ZNF254: variants seen among roughly 807,000 people sequenced by gnomAD.
ZNF254 encodes the protein zinc finger protein 254.
Under a neutral mutation model 12.4 loss-of-function variants are expected in ZNF254, and 10 were observed. The observed-to-expected ratio is 0.80, with a 90% CI of 0.50 to 1.36. ZNF254 has a LOEUF of 1.36. ZNF254 is among the 40% of genes most tolerant of loss of function. The probability of loss-of-function intolerance (pLI) is 0.00; values close to 1 mark genes in which losing one functional copy is unlikely to be tolerated. For synonymous variants in ZNF254, 305 were observed against 253.4 expected, an observed-to-expected ratio of 1.20 and a Z score of -1.93; for missense variants, 996 against 763.9, an observed-to-expected ratio of 1.30 and a Z score of -3.58.
intron 3 of ZNF254, among the ~76,000 whole-genome samples, chr19:24,113,923 CATA>C (rs1973869542): frequency 6.6e-6 from 1 of 152,142 alleles, no homozygotes; most frequent in African/African-American, 2.4e-5. Context: ...AACTCCCATT[CATA>C]ATTGCTTCGA....
rs536209808 is a variant in ZNF254 at position 24,121,953 on chromosome 19, T to C, written c.254-4301T>C. On this transcript the variant is annotated intron_variant, in intron 3 of 3. Coordinates refer to ENST00000357002, the MANE Select transcript of ZNF254 (RefSeq NM_203282.4). ...TGTAGATGAGTAGTTATAAAATTCT[T>C]GTAATTTCAACATCCTATTTATGAA... 1.6e-4 allele frequency among the ~76,000 whole-genome samples: 24 copies of C among 152,254 alleles called. No individual in the cohort carries two copies. In the East Asian group the frequency reaches 4.2e-3, roughly 27 times the overall value.
At chr19:24,064,086 C>T (rs62114831) in intron 2 of ZNF254, 22,581 of 152,186 alleles carry the variant, frequency 0.15, 1,936 homozygotes, top group Middle Eastern at 0.23. Flanking sequence ...CACTGTGATA[C>T]ATGTTTGGGC....
At chr19:24,097,120 C>T (rs1049471578) in intron 1 of ZNF254, among the ~76,000 whole-genome samples, 1 of 152,078 alleles carries the variant, frequency 6.6e-6, no homozygotes, top group Admixed American at 6.6e-5. Context: ...CAAAATAAAA[C>T]TTTTGTCATT....
At chr19:24,101,477 G>A (rs1346844829) in intron 1 of ZNF254, among the ~76,000 whole-genome samples, 2 of 152,212 alleles carry the variant, frequency 1.3e-5, no homozygotes, top group African/African-American at 2.4e-5. Context: ...GGCTCCAGGT[G>A]TAAATAGAAT....
chr19:24,066,410 T>G (rs2145447845), intron 2 of ZNF254: 1 of 152,358 alleles, frequency 6.6e-6, no homozygotes, highest in Non-Finnish European at 1.5e-5. Flanking sequence ...GGGAACATTG[T>G]GACATATTGC....
intron 1 of ZNF254, among the ~76,000 whole-genome samples, chr19:24,100,942 C>G (rs910452175): frequency 2.0e-5 from 3 of 152,014 alleles, no homozygotes; most frequent in Non-Finnish European, 4.4e-5. Flanking sequence ...ATTCTCCTGC[C>G]TCAGCTTTCT....
At chr19:24,041,881 C>G (rs1357721643) in intron 1 of ZNF254, among the ~76,000 whole-genome samples, 5 of 151,488 alleles carry the variant, frequency 3.3e-5, no homozygotes, top group Non-Finnish European at 7.4e-5. Flanking sequence ...TGCACCAATC[C>G]ACACTCTGTA....
chr19:24,039,059 A>C (rs973911582), intron 1 of ZNF254, among the ~76,000 whole-genome samples: 2 of 152,190 alleles, frequency 1.3e-5, no homozygotes, highest in Non-Finnish European at 2.9e-5. Flanking sequence ...AGTCCAGCTA[A>C]TAGGGTTCTC....
intron 2 of ZNF254, among the ~76,000 whole-genome samples, chr19:24,071,263 G>T (rs1369700130): frequency 6.6e-6 from 1 of 152,194 alleles, no homozygotes. Context: ...TGACCAAGAA[G>T]GGGGAGTGAC....
At chr19:24,087,373 G>C (rs779425882) in intron 1 of ZNF254, 36 bp downstream of exon 1, 1 of 1,612,762 alleles carries the variant, frequency 6.2e-7, no homozygotes, top group Non-Finnish European at 8.5e-7. Flanking sequence ...AGAGAGGGGA[G>C]GGGGCTGGTT....
chr19:24,055,015 A>G (rs1970786237), intron 2 of ZNF254, among the ~76,000 whole-genome samples: 2 of 151,770 alleles, frequency 1.3e-5, no homozygotes, highest in Non-Finnish European at 2.9e-5. Flanking sequence ...AGCCTGACCA[A>G]CATGTTGAAA....
intron 2 of ZNF254, chr19:24,066,148 G>T (rs1971261256): frequency 1.3e-5 from 2 of 152,298 alleles, no homozygotes; most frequent in East Asian, 3.9e-4. Context: ...TCATCCAGGA[G>T]ATGTGACTCT....
chr19:24,058,565 G>T (rs1970950954), intron 2 of ZNF254, among the ~76,000 whole-genome samples: 1 of 151,866 alleles, frequency 6.6e-6, no homozygotes, highest in African/African-American at 2.4e-5. Context: ...GCGCCACCAC[G>T]CCTGGCTAAT....
intron 1 of ZNF254, chr19:24,104,962 A>T (rs1275125112): frequency 2.0e-5 from 3 of 152,244 alleles, no homozygotes; most frequent in African/African-American, 7.2e-5. Flanking sequence ...TAAAATCACT[A>T]TTACAAATTA....
At chr19:24,084,572 A>T (rs1269307140), upstream of ZNF254, among the ~76,000 whole-genome samples, 1 of 152,046 alleles carries the variant, frequency 6.6e-6, no homozygotes, top group Non-Finnish European at 1.5e-5. Flanking sequence ...AATAATAATA[A>T]ACAAAAAATA....
At chr19:24,044,002 A>T (rs1970275869) in intron 1 of ZNF254, among the ~76,000 whole-genome samples, 1 of 152,058 alleles carries the variant, frequency 6.6e-6, no homozygotes, top group African/African-American at 2.4e-5. Context: ...GCCCTTTGGG[A>T]GGGTGAGGCG....
At chr19:24,120,996 C>T (rs1974441127) in intron 3 of ZNF254, among the ~76,000 whole-genome samples, 2 of 152,058 alleles carry the variant, frequency 1.3e-5, no homozygotes, top group African/African-American at 4.8e-5. Flanking sequence ...GCTTTGGCCT[C>T]TTAAAACTGC....
chr19:24,048,102 G>A (rs1413248547), intron 2 of ZNF254, among the ~76,000 whole-genome samples: 4 of 145,758 alleles, frequency 2.7e-5, no homozygotes, highest in Non-Finnish European at 4.5e-5. Context: ...AGCTTTGGGC[G>A]CGAGCTCCAC....
chr19:24,064,749 A>T (rs768648000), intron 2 of ZNF254: 5 of 151,946 alleles, frequency 3.3e-5, no homozygotes, highest in Non-Finnish European at 7.4e-5. Flanking sequence ...CTGGTCTCGA[A>T]CTCCCAACCT....
Sources: gnomAD v4.1 joint callset for allele counts (sites outside exome capture counted in the v4.1 genomes callset) on GRCh38, gnomAD v4.1.1 for gene constraint, MANE v1.5 for transcripts, NCBI Gene and HGNC (gene_info 2026-07-23, HGNC 2026-07-21) for gene names.